PPP2R3A: variants seen among roughly 807,000 people sequenced by gnomAD.
The protein encoded by PPP2R3A is serine/threonine-protein phosphatase 2A regulatory subunit B'' subunit alpha.
Under a neutral mutation model 106.9 loss-of-function variants are expected in PPP2R3A, and 80 were observed. That is an observed-to-expected ratio of 0.75 (90% CI 0.62 to 0.90). The LOEUF is 0.90. Ranked by LOEUF, PPP2R3A falls within the 40% of genes least tolerant of loss-of-function variation. The pLI, the probability that PPP2R3A is intolerant of heterozygous loss-of-function variation, is 0.00. For synonymous variants in PPP2R3A, 483 were observed against 468.3 expected, an observed-to-expected ratio of 1.03 and a Z score of -0.41; for missense variants, 1,386 against 1,350.4, an observed-to-expected ratio of 1.03 and a Z score of -0.41.
intron 1 of PPP2R3A, among the ~76,000 whole-genome samples, chr3:135,970,311 A>C (rs553820844): frequency 6.6e-6 from 1 of 152,350 alleles, no homozygotes; most frequent in Admixed American, 6.5e-5. Context: ...GTGCAAACTT[A>C]ACTGAATGCG....
rs113595353 is a variant in PPP2R3A at position 136,031,219 on chromosome 3, G to A, written c.2262+4121G>A. ...TTAAGGTTCTTCTTGGAGGGGTAAG[G>A]TGGTATCGCATTGTGGTTTTGATTT... On this transcript the variant is annotated intron_variant, in intron 3 of 13. Transcript: ENST00000264977. Among the ~76,000 whole-genome samples, 13 of 152,092 alleles carry A rather than the reference G, an allele frequency of 8.5e-5. 1 individual carries two copies. The highest frequency in any genetic ancestry group is 2.9e-4 in the African/African-American group (12 of 41,506).
At chr3:136,087,723 A>G (rs1433188740) in intron 8 of PPP2R3A, 160 bp from the exon 9 acceptor site, 4 of 519,354 alleles carry the variant, frequency 7.7e-6, no homozygotes, top group East Asian at 6.1e-5. Context: ...TTTTAAAATT[A>G]TATTAAAATT....
At chr3:135,987,896 G>A (rs1932991489) in intron 1 of PPP2R3A, among the ~76,000 whole-genome samples, 2 of 152,164 alleles carry the variant, frequency 1.3e-5, no homozygotes, top group African/African-American at 2.4e-5. Flanking sequence ...ATTGGACAGT[G>A]CCACTCTGCA....
intron 2 of PPP2R3A, among the ~76,000 whole-genome samples, chr3:136,019,639 C>A (rs1934396080): frequency 6.6e-6 from 1 of 152,168 alleles, no homozygotes; most frequent in African/African-American, 2.4e-5. Context: ...CAGATCCTCT[C>A]AGAAACCAAG....
chr3:136,106,781 G>A (rs767883927), intron 13 of PPP2R3A: 19 of 160,594 alleles, frequency 1.2e-4, no homozygotes, highest in Admixed American at 5.6e-4. Flanking sequence ...AAAATTAGCC[G>A]GGTATGGTGG....
rs1265751397 is a variant in PPP2R3A, at chr3:136,146,222, A to G, written c.*1056A>G. ...TGTTATTTACTGTAGTTGTAGATGT[A>G]TTCACTACAGAATCCTACATTTTTC... On this transcript the variant is annotated 3_prime_UTR_variant, in exon 14 of 14. Transcript: ENST00000264977. The G allele has an allele frequency of 4.6e-5, 7 of 152,246 alleles. No homozygotes were observed. Among genetic ancestry groups the G allele is most frequent in the Middle Eastern group, 3.2e-3 (1 of 316 alleles). 9.4% of individuals were successfully genotyped at this position (152,246 alleles called of 1,614,324 possible).
At chr3:135,994,495 C>T (rs568569094) in intron 1 of PPP2R3A, among the ~76,000 whole-genome samples, 2 of 152,252 alleles carry the variant, frequency 1.3e-5, no homozygotes, top group South Asian at 2.1e-4. Flanking sequence ...AATCCTCTAC[C>T]CTACTCCATT....
At position 136,145,996 on chromosome 3, in the gene PPP2R3A, G is replaced by A. The variant is rs769421471; in HGVS notation, c.*830G>A. 8 of 152,120 alleles carry A rather than the reference G, an allele frequency of 5.3e-5. No homozygotes were observed. The highest frequency in any genetic ancestry group is 7.4e-5 in the Non-Finnish European group (5 of 68,020). 9.4% of individuals were successfully genotyped at this position (152,120 alleles called of 1,614,324 possible). ...GTTTTCACTTCCTATCAGAAGGCCT[G>A]CTTGAAGACATAAAGGAATAATGAT... On this transcript the variant is annotated 3_prime_UTR_variant, in exon 14 of 14. Transcript: ENST00000264977.
intron 13 of PPP2R3A, among the ~76,000 whole-genome samples, chr3:136,136,071 AAAT>A (rs1938608056): frequency 3.8e-4 from 9 of 23,484 alleles, no homozygotes; most frequent in African/African-American, 5.3e-4. Context: ...AAAAAAAAAA[AAAT>A]TATATATATA....
At chr3:135,997,117 A>C (rs1005432771) in intron 1 of PPP2R3A, among the ~76,000 whole-genome samples, 1 of 152,164 alleles carries the variant, frequency 6.6e-6, no homozygotes. Flanking sequence ...GAAAAAATTC[A>C]TATCTCCATT....
intron 13 of PPP2R3A, among the ~76,000 whole-genome samples, chr3:136,125,573 G>A (rs551572289): frequency 1.3e-4 from 20 of 151,914 alleles, no homozygotes; most frequent in Admixed American, 3.3e-4. Context: ...CCAGCCACCC[G>A]TGGTGGCTCA....
At chr3:135,981,452 C>A (rs915070044) in intron 1 of PPP2R3A, among the ~76,000 whole-genome samples, 1 of 151,826 alleles carries the variant, frequency 6.6e-6, no homozygotes, top group Non-Finnish European at 1.5e-5. Context: ...TAGATGGAGC[C>A]AGTTAGCCCT....
rs779558540 is a variant in PPP2R3A at position 136,069,103 on chromosome 3, A to G, written c.2470-1375A>G. On this transcript the variant is annotated intron_variant, in intron 5 of 13. Coordinates refer to ENST00000264977, the MANE Select transcript of PPP2R3A (RefSeq NM_002718.5). ...GCTAAATGCAGTGTAAGATCCTGGA[A>G]CAGAAAAAGACATTAGTGGAAAAAC... Among the ~76,000 whole-genome samples the G allele has an allele frequency of 3.5e-4, 54 of 152,232 alleles. 1 individual carries two copies. Among genetic ancestry groups the G allele is most frequent in the Non-Finnish European group, 6.6e-4 (45 of 68,036 alleles).
At chr3:136,082,826 G>A (rs1936819810) in intron 8 of PPP2R3A, among the ~76,000 whole-genome samples, 1 of 152,050 alleles carries the variant, frequency 6.6e-6, no homozygotes, top group Non-Finnish European at 1.5e-5. Context: ...TTTTTAACTT[G>A]CCAAGTTTTA....
chr3:136,116,730 A>G (rs1018402774), intron 13 of PPP2R3A, among the ~76,000 whole-genome samples: 1 of 152,236 alleles, frequency 6.6e-6, no homozygotes, highest in Admixed American at 6.5e-5. Flanking sequence ...AGGAGCACCC[A>G]GATTCATTAA....
At chr3:136,014,991 T>C (rs7427833) in intron 2 of PPP2R3A, among the ~76,000 whole-genome samples, 35,109 of 152,140 alleles carry the variant, frequency 0.23, 4,867 homozygotes, top group Non-Finnish European at 0.32. Context: ...TACCTTAAGG[T>C]ATATCCCTTC....
chr3:136,051,103 G>T (rs1346814074), intron 5 of PPP2R3A, among the ~76,000 whole-genome samples: 1 of 152,132 alleles, frequency 6.6e-6, no homozygotes, highest in African/African-American at 2.4e-5. Context: ...CTGAGATATT[G>T]CTTGTTAATA....
intron 2 of PPP2R3A, among the ~76,000 whole-genome samples, chr3:136,019,478 A>G (rs1934389199): frequency 6.6e-6 from 1 of 152,188 alleles, no homozygotes; most frequent in African/African-American, 2.4e-5. Context: ...TCATCAAAGC[A>G]GAGAGAGAAG....
intron 5 of PPP2R3A, among the ~76,000 whole-genome samples, chr3:136,054,236 C>T (rs906061066): frequency 2.7e-5 from 4 of 148,890 alleles, no homozygotes; most frequent in Admixed American, 6.7e-5. Flanking sequence ...CATGACAGCT[C>T]GGTATACTTC....
Sources: allele counts gnomAD v4.1 joint callset (sites outside exome capture counted in the v4.1 genomes callset), GRCh38; gene constraint gnomAD v4.1.1; transcripts MANE v1.5; gene names NCBI Gene and HGNC (gene_info 2026-07-23, HGNC 2026-07-21).